Variants in METTL6 observed in about 807,000 individuals in gnomAD.
METTL6 encodes the protein tRNA N(3)-cytidine methyltransferase METTL6.
Under a neutral mutation model 26.4 loss-of-function variants are expected in METTL6, and 22 were observed. That is an observed-to-expected ratio of 0.83 (90% CI 0.59 to 1.19). METTL6 has a LOEUF of 1.19. Ranked by LOEUF, METTL6 falls within the 50% of genes most tolerant of loss-of-function variation. The pLI, the probability that METTL6 is intolerant of heterozygous loss-of-function variation, is 0.00. For missense variants in METTL6, 304 were observed against 324.8 expected (o/e 0.94, Z 0.49); for synonymous variants, 109 against 116.2 (o/e 0.94, Z 0.40).
At chr3:15,406,028 C>T (rs946313779), downstream of METTL6, among the ~76,000 whole-genome samples, 9 of 151,444 alleles carry the variant, frequency 5.9e-5, no homozygotes, top group Non-Finnish European at 1.0e-4. Flanking sequence ...TATATACACA[C>T]GCACACACAC....
intron 6 of METTL6, among the ~76,000 whole-genome samples, chr3:15,392,432 C>T (rs1699375147): frequency 6.6e-6 from 1 of 151,836 alleles, no homozygotes; most frequent in South Asian, 2.1e-4. Context: ...AAAATTTTCT[C>T]CCATTCTGTA....
At chr3:15,393,999 A>T (rs1235989440) in intron 6 of METTL6, among the ~76,000 whole-genome samples, 1 of 152,188 alleles carries the variant, frequency 6.6e-6, no homozygotes, top group African/African-American at 2.4e-5. Flanking sequence ...TATCAGGATG[A>T]TGCTGGCCTC....
Position 15,411,012 on chromosome 3 carries a change from C to T in METTL6, c.*244G>A, listed in dbSNP as rs567711165. 32 of 369,910 alleles carry T rather than the reference C, an allele frequency of 8.7e-5. No individual in the cohort carries two copies. The highest frequency in any genetic ancestry group is 1.5e-4 in the Non-Finnish European group (30 of 206,492). The allele number at this position is 369,910 out of a possible 1,614,324, so 22.9% of individuals were successfully genotyped here. Reference sequence around the variant, plus strand: ...GGTTCAAGCGATTCTCTTGCCTCAGCCTCCTGAGTAGCTGGGATTACAGGC... The same window carrying T: ...GGTTCAAGCGATTCTCTTGCCTCAGTCTCCTGAGTAGCTGGGATTACAGGC... On this transcript the variant is annotated 3_prime_UTR_variant, in exon 6 of 6. Coordinates refer to ENST00000383790, the MANE Select transcript of METTL6 (RefSeq NM_152396.4).
At chr3:15,398,970 T>G (rs1055069654) in intron 6 of METTL6, among the ~76,000 whole-genome samples, 16 of 152,078 alleles carry the variant, frequency 1.1e-4, no homozygotes, top group African/African-American at 3.6e-4. Flanking sequence ...GATAAAAGGA[T>G]GTGGTAAAGA....
rs1328381793 is a variant in METTL6 at position 15,414,057 on chromosome 3, T to G, written c.637A>C (p.Arg213=). The G allele has an allele frequency of 6.2e-7, 1 of 1,614,074 alleles. No homozygotes were observed. Among genetic ancestry groups the G allele is most frequent in the African/African-American group, 1.3e-5 (1 of 74,930 alleles). ...AAATATGATCTGGTCCCATCTTGTC[T>G]AACATAAAAGTTTTCTCCAAGTTTG... ...SSKLGENFYV[R]QDGTRSYFFT... is the part of the protein sequence containing the mutation. Residue 213 remains arginine, a synonymous_variant, in exon 5 of 6, where the codon AGA becomes CGA. Coordinates refer to ENST00000383790, the MANE Select transcript of METTL6 (RefSeq NM_152396.4).
chr3:15,389,799 C>T (rs1352455874), intron 6 of METTL6, among the ~76,000 whole-genome samples: 2 of 151,742 alleles, frequency 1.3e-5, no homozygotes, highest in African/African-American at 4.8e-5. Context: ...CCACCCACCT[C>T]GGCCTCCCAA....
chr3:15,417,701 AG>A (rs1205884483), intron 3 of METTL6, among the ~76,000 whole-genome samples: 2 of 152,146 alleles, frequency 1.3e-5, no homozygotes, highest in Non-Finnish European at 2.9e-5. Flanking sequence ...TTAGACAAAA[AG>A]GTAGATAATA....
chr3:15,417,821 A>G (rs11919472), intron 3 of METTL6, among the ~76,000 whole-genome samples: 19,120 of 152,104 alleles, frequency 0.13, 2,210 homozygotes, highest in African/African-American at 0.31. Context: ...GGCCCACGGT[A>G]CCAGTTCAAA....
chr3:15,413,661 C>G, intron 5 of METTL6: 2 of 1,186,950 alleles, frequency 1.7e-6, no homozygotes, highest in Non-Finnish European at 2.1e-6. Flanking sequence ...AAAGTAATCT[C>G]AAGGCATTAT....
exon 7 of METTL6, chr3:15,383,338 C>T (rs1029152936): frequency 1.3e-5 from 2 of 151,720 alleles, no homozygotes; most frequent in Non-Finnish European, 2.9e-5. Context: ...TTCCTGGCCC[C>T]TACAGTTTCA....
exon 7 of METTL6, chr3:15,381,933 A>G (rs1208956859): frequency 1.3e-5 from 2 of 152,184 alleles, no homozygotes; most frequent in African/African-American, 2.4e-5. Flanking sequence ...TCCTTGATCC[A>G]TAATATGGGA....
chr3:15,409,825 AC>A lies in METTL6; in HGVS notation c.*1430del, dbSNP rs1699899068. On this transcript the variant is annotated 3_prime_UTR_variant, in exon 6 of 6. Transcript: ENST00000383790. ...AACACTGGTTTTGAAGAAATACATA[AC>A]TGAACTAAAGGGGAGACCAATGGGC... 6.6e-6 allele frequency among the ~76,000 whole-genome samples: 1 copy of A among 152,218 alleles called. No homozygotes were observed. Among genetic ancestry groups the A allele is most frequent in the South Asian group, 2.1e-4 (1 of 4,826 alleles).
At chr3:15,389,155 CT>C (rs1363059667) in intron 6 of METTL6, among the ~76,000 whole-genome samples, 39 of 145,204 alleles carry the variant, frequency 2.7e-4, no homozygotes, top group African/African-American at 3.3e-4. Context: ...CACACCTGGC[CT>C]TTTTTTTTTT....
At chr3:15,405,583 G>C (rs1699762862), downstream of METTL6, among the ~76,000 whole-genome samples, 1 of 152,122 alleles carries the variant, frequency 6.6e-6, no homozygotes, top group African/African-American at 2.4e-5. Context: ...ATTAAGATGG[G>C]AGTAGAAGGC....
At chr3:15,388,446 A>G (rs1403309910) in intron 6 of METTL6, among the ~76,000 whole-genome samples, 1 of 152,172 alleles carries the variant, frequency 6.6e-6, no homozygotes, top group African/African-American at 2.4e-5. Flanking sequence ...CTTGGTGAGT[A>G]GGGGAAAGCC....
intron 3 of METTL6, among the ~76,000 whole-genome samples, chr3:15,419,338 T>C (rs1176296821): frequency 2.0e-5 from 3 of 152,230 alleles, no homozygotes; most frequent in African/African-American, 7.2e-5. Flanking sequence ...GGACAACTCC[T>C]ACTACAAACT....
At chr3:15,385,281 T>C (rs776550204) in intron 6 of METTL6, among the ~76,000 whole-genome samples, 13 of 152,174 alleles carry the variant, frequency 8.5e-5, no homozygotes, top group Admixed American at 5.9e-4. Flanking sequence ...ATTTAGGAAC[T>C]GCCCCTTCTT....
chr3:15,388,541 G>T (rs1256480642), intron 6 of METTL6, among the ~76,000 whole-genome samples: 2 of 152,128 alleles, frequency 1.3e-5, no homozygotes, highest in African/African-American at 4.8e-5. Flanking sequence ...TCAGTTCCTG[G>T]GTGGGAGCCA....
At chr3:15,393,064 T>C (rs567910404) in intron 6 of METTL6, among the ~76,000 whole-genome samples, 3 of 152,342 alleles carry the variant, frequency 2.0e-5, no homozygotes, top group Non-Finnish European at 4.4e-5. Flanking sequence ...AGGGATGGCA[T>C]TGAATCTATA....
Sources: allele counts gnomAD v4.1 joint callset (sites outside exome capture counted in the v4.1 genomes callset), GRCh38; gene constraint gnomAD v4.1.1; transcripts MANE v1.5; gene names NCBI Gene and HGNC (gene_info 2026-07-23, HGNC 2026-07-21).